The following KIAA0586 variants were observed in gnomAD, a reference collection of about 807,000 sequenced individuals.
The protein encoded by KIAA0586 is protein TALPID3.
In KIAA0586, 144 loss-of-function variants were observed where a neutral mutation model predicts 169.8. The observed-to-expected ratio is 0.85, with a 90% CI of 0.74 to 0.97. The LOEUF is 0.97. Among genes scored for constraint, KIAA0586 ranks in the 50% least tolerant of loss-of-function variants. The pLI, the probability that KIAA0586 is intolerant of heterozygous loss-of-function variation, is 0.00. For synonymous variants in KIAA0586, 625 were observed against 612.4 expected (o/e 1.02, Z -0.30); for missense variants, 1,854 against 1,823.0 (o/e 1.02, Z -0.31).
chr14:58,516,955 C>A (rs1398811379), intron 29 of KIAA0586, among the ~76,000 whole-genome samples: 5 of 151,984 alleles, frequency 3.3e-5, no homozygotes, highest in Non-Finnish European at 7.4e-5. Flanking sequence ...AAAAAAAGAA[C>A]CTCAATCTAT....
At position 58,428,467 on chromosome 14, in the gene KIAA0586, T is replaced by A; in HGVS notation, c.199+4T>A. 6.3e-7 allele frequency: 1 copy of A among 1,585,908 alleles called. No homozygotes were observed. The highest frequency in any genetic ancestry group is 1.7e-5 in the Admixed American group (1 of 59,486). On this transcript the variant is annotated splice_donor_region_variant and intron_variant, in intron 1 of 30. Transcript: ENST00000652326. ...AGTTTGAATGGAACATCACGTGGTA[T>A]GTGATTCCATGTAGTTTTTCAACCA...
At chr14:58,437,123 C>T (rs981684351) in intron 4 of KIAA0586, among the ~76,000 whole-genome samples, 1 of 152,070 alleles carries the variant, frequency 6.6e-6, no homozygotes, top group African/African-American at 2.4e-5. Context: ...TAGATTGGTC[C>T]TGAATACACT....
intron 27 of KIAA0586, among the ~76,000 whole-genome samples, chr14:58,505,135 A>G (rs1019446889): frequency 6.6e-6 from 1 of 152,166 alleles, no homozygotes; most frequent in African/African-American, 2.4e-5. Context: ...TTTACCTCAC[A>G]CATATAATTA....
At chr14:58,493,460 G>A (rs529976226) in intron 26 of KIAA0586, among the ~76,000 whole-genome samples, 1 of 152,272 alleles carries the variant, frequency 6.6e-6, no homozygotes, top group East Asian at 1.9e-4. Flanking sequence ...TTGATCTATA[G>A]TGCTGTTTCT....
the KIAA0586 span, among the ~76,000 whole-genome samples, chr14:58,558,086 T>C: frequency 1.3e-5 from 2 of 151,770 alleles, no homozygotes; most frequent in Non-Finnish European, 2.9e-5. Flanking sequence ...ATTTTTTGTA[T>C]TTTTAGTTGA....
intron 6 of KIAA0586, among the ~76,000 whole-genome samples, chr14:58,445,783 CTTTTT>C (rs34119416): frequency 8.0e-6 from 1 of 124,792 alleles, no homozygotes; most frequent in Non-Finnish European, 1.6e-5. Context: ...TCAGTAAACT[CTTTTT>C]TTTTTTTTTT....
In KIAA0586 at chr14:58,488,856, C is replaced by A. The variant is rs769216411; in HGVS notation, c.3763C>A (p.Gln1255Lys). The A allele has an allele frequency of 1.2e-6, 2 of 1,613,474 alleles. No individual in the cohort carries two copies. Among genetic ancestry groups the A allele is most frequent in the East Asian group, 2.2e-5 (1 of 44,862 alleles). The part of the protein sequence containing the change: ...SEGEILFSCG[Q>K]KLAPKILEDI... ...AGGAGAGATTTTATTTAGCTGTGGT[C>A]AAAAATTGGCCCCCAAGAGTAAGTT... Residue 1255 changes from glutamine (Q) to lysine (K), a missense_variant, in exon 24 of 31, where the codon CAA becomes AAA. Gln to Lys is a moderately conservative substitution (Grantham distance 53). Coordinates refer to ENST00000652326, the MANE Select transcript of KIAA0586 (RefSeq NM_001329943.3).
rs780215121 is a variant in KIAA0586, at chr14:58,487,207, A to G, written c.3304+41A>G. On this transcript the variant is annotated intron_variant, in intron 22 of 30. Transcript: ENST00000652326. ...CTATAACTCGGTTTTAATTTTAGCA[A>G]CTATTAAATTTCATGATTTGTATAT... is the stretch of plus-strand genomic sequence containing the variant. 3.2e-5 allele frequency: 48 copies of G among 1,523,096 alleles called. No homozygotes were observed. In the South Asian group the frequency reaches 5.7e-4, roughly 18 times the overall value. 94.3% of individuals were successfully genotyped at this position (1,523,096 alleles called of 1,614,324 possible).
chr14:58,509,293 T>C (rs1429044655), intron 28 of KIAA0586, among the ~76,000 whole-genome samples: 1 of 152,208 alleles, frequency 6.6e-6, no homozygotes, highest in East Asian at 1.9e-4. Context: ...TTTACATCTC[T>C]GTATCTGCAT....
the KIAA0586 span, among the ~76,000 whole-genome samples, chr14:58,557,707 C>G: frequency 6.6e-6 from 1 of 152,068 alleles, no homozygotes; most frequent in Non-Finnish European, 1.5e-5. Flanking sequence ...TGGTGTGAAG[C>G]TTCTCTCAGC....
rs979746173 is a variant in KIAA0586 at position 58,463,825 on chromosome 14, C to CT, written c.2060-2009dup. ...TGGGTAACTGAGCAAGACCCTGTCT[C>CT]TAAAAAAAAAAAAATTAGATACATT... On this transcript the variant is annotated intron_variant, in intron 14 of 30. Coordinates refer to ENST00000652326, the MANE Select transcript of KIAA0586 (RefSeq NM_001329943.3). The CT allele has an allele frequency of 3.2e-5, 4 of 123,718 alleles. No homozygotes were observed. In the African/African-American group the frequency reaches 4.7e-4, roughly 15 times the overall value. The allele number at this position is 123,718 out of a possible 1,614,324, so 7.7% of individuals were successfully genotyped here.
downstream of KIAA0586, among the ~76,000 whole-genome samples, chr14:58,555,846 A>C (rs373592161): frequency 2.6e-5 from 4 of 152,308 alleles, 1 homozygote. Flanking sequence ...CTAAATTGAG[A>C]CAATTTTCCT....
At chr14:58,554,909 C>CT (rs780489754), downstream of KIAA0586, among the ~76,000 whole-genome samples, 159 of 152,152 alleles carry the variant, frequency 1.0e-3, no homozygotes, top group Non-Finnish European at 1.9e-3. Flanking sequence ...TCCATTTGTT[C>CT]TTTTTTTACC....
chr14:58,526,058 A>C (rs1336079722), intron 29 of KIAA0586, among the ~76,000 whole-genome samples: 2 of 152,220 alleles, frequency 1.3e-5, no homozygotes, highest in Non-Finnish European at 2.9e-5. Context: ...CAGCAGCCCC[A>C]GTCAGGAGCT....
chr14:58,441,897 G>C (rs546329911), intron 4 of KIAA0586: 4 of 152,082 alleles, frequency 2.6e-5, no homozygotes, highest in African/African-American at 7.3e-5. Context: ...GCCTCCCAAA[G>C]TGCTAGCGTT....
chr14:58,558,602 C>A, the KIAA0586 span, among the ~76,000 whole-genome samples: 5 of 152,192 alleles, frequency 3.3e-5, no homozygotes, highest in Admixed American at 2.6e-4. Context: ...AACAAGCAAG[C>A]ACTGAATCTC....
In KIAA0586 at chr14:58,474,685, A is replaced by G. The variant is rs1231694523; in HGVS notation, c.2713A>G (p.Lys905Glu). ...CAGAAGTGTTAAAGCTGATTCTACA[A>G]AATATAATGGTCCTCCATTTCCGCC... ...FNRSVKADST[K>E]YNGPPFPPVA... Residue 905 changes from lysine (K) to glutamate (E), a missense_variant, in exon 19 of 31, where the codon AAA (lysine) becomes GAA (glutamate). By Grantham distance (56) the Lys-to-Glu change is moderately conservative. Coordinates refer to ENST00000652326, the MANE Select transcript of KIAA0586 (RefSeq NM_001329943.3). 5.0e-6 allele frequency: 8 copies of G among 1,613,260 alleles called. No homozygotes were observed. Among genetic ancestry groups the G allele is most frequent in the Non-Finnish European group, 6.8e-6 (8 of 1,179,560 alleles).
At chr14:58,516,936 CT>C (rs1466998640) in intron 29 of KIAA0586, among the ~76,000 whole-genome samples, 1 of 151,922 alleles carries the variant, frequency 6.6e-6, no homozygotes, top group African/African-American at 2.4e-5. Flanking sequence ...CAGAGCTCAT[CT>C]ATATACAAAA....
At chr14:58,522,119 G>A in intron 29 of KIAA0586, 1 of 593,244 alleles carries the variant, frequency 1.7e-6, no homozygotes, top group Non-Finnish European at 3.0e-6. Flanking sequence ...CCCAATCCTT[G>A]TCCTTCCCAT....
Sources: allele counts gnomAD v4.1 joint callset (sites outside exome capture counted in the v4.1 genomes callset), GRCh38; gene constraint gnomAD v4.1.1; transcripts MANE v1.5; gene names NCBI Gene and HGNC (gene_info 2026-07-23, HGNC 2026-07-21).